The following CASP6 variants were observed in gnomAD, a reference collection of about 807,000 sequenced individuals.
CASP6 encodes the protein caspase-6.
Under a neutral mutation model 31.8 loss-of-function variants are expected in CASP6, and 20 were observed. The ratio of observed to expected loss-of-function variants is 0.63; its 90% CI spans 0.44 to 0.91. The LOEUF is 0.91. Ranked by LOEUF, CASP6 falls within the 40% of genes least tolerant of loss-of-function variation. The pLI, the probability that CASP6 is intolerant of heterozygous loss-of-function variation, is 0.00. For missense variants in CASP6, 328 were observed against 361.1 expected, an observed-to-expected ratio of 0.91 and a Z score of 0.74; for synonymous variants, 130 against 127.8, an observed-to-expected ratio of 1.02 and a Z score of -0.12.
In CASP6 at chr4:109,690,875, G is replaced by A; in HGVS notation, c.618C>T (p.Phe206=). The A allele has an allele frequency of 6.2e-7, 1 of 1,612,258 alleles. No homozygotes were observed. The highest frequency in any genetic ancestry group is 8.5e-7 in the Non-Finnish European group (1 of 1,179,278). Residue 206 remains phenylalanine (F), a synonymous_variant, in exon 6 of 7, where the codon TTC becomes TTT. Coordinates refer to ENST00000265164, the MANE Select transcript of CASP6 (RefSeq NM_001226.4). ...CTTCTGCAACAGAGTAACACATGAG[G>A]AAGTCAGCTCCAGCAGGCAGCGTGT... ...SVYTLPAGAD[F]LMCYSVAEGY... is the part of the protein sequence containing the mutation.
chr4:109,665,465 T>C, the CASP6 span, among the ~76,000 whole-genome samples: 6 of 152,292 alleles, frequency 3.9e-5, 1 homozygote, highest in Admixed American at 6.5e-5. Context: ...TTAAGAATTA[T>C]ACAGAATAGG....
chr4:109,674,264 T>TG, the CASP6 span: 1 of 653,336 alleles, frequency 1.5e-6, no homozygotes, highest in Non-Finnish European at 2.8e-6. Context: ...CTTCCTTTCT[T>TG]GCAGGCTTGA....
At chr4:109,697,127 C>G (rs1025458072) in intron 3 of CASP6, among the ~76,000 whole-genome samples, 1 of 151,878 alleles carries the variant, frequency 6.6e-6, no homozygotes, top group African/African-American at 2.4e-5. Flanking sequence ...CAAAGCAAGG[C>G]CCATGCTCCA....
At chr4:109,671,725 T>C in the CASP6 span, among the ~76,000 whole-genome samples, 1 of 152,232 alleles carries the variant, frequency 6.6e-6, no homozygotes, top group South Asian at 2.1e-4. Flanking sequence ...CTGGTTCTGA[T>C]GCTTGTTTTG....
the CASP6 span, among the ~76,000 whole-genome samples, chr4:109,682,279 C>T: frequency 2.5e-4 from 38 of 150,906 alleles, no homozygotes; most frequent in South Asian, 7.8e-3. Flanking sequence ...GCTCAATTGC[C>T]TTCAGCTGAA....
chr4:109,689,306 G>A lies in CASP6; in HGVS notation c.*24C>T. The A allele has an allele frequency of 3.1e-6, 5 of 1,604,378 alleles. No individual in the cohort carries two copies. The highest frequency in any genetic ancestry group is 4.3e-6 in the Non-Finnish European group (5 of 1,171,966). ...GAGAAAGCCATTTTCAATACAGAGT[G>A]TAAAATTAGATAGCCTCTATTAATT... On this transcript the variant is annotated 3_prime_UTR_variant, in exon 7 of 7. Coordinates refer to ENST00000265164, the MANE Select transcript of CASP6 (RefSeq NM_001226.4).
intron 1 of CASP6, among the ~76,000 whole-genome samples, 166 bp from the exon 2 acceptor site, chr4:109,698,508 CTAATAAA>C (rs1730321175): frequency 6.6e-6 from 1 of 152,174 alleles, no homozygotes; most frequent in Admixed American, 6.5e-5. Flanking sequence ...AAACTGCTTA[CTAATAAA>C]CAAACTATAA....
chr4:109,703,558 G>C (rs763937149), upstream of CASP6: 10 of 867,800 alleles, frequency 1.2e-5, no homozygotes, highest in Middle Eastern at 3.4e-4. Flanking sequence ...CCGTGGATCG[G>C]GCTGGTCCTT....
the CASP6 span, among the ~76,000 whole-genome samples, chr4:109,670,075 T>C: frequency 1.3e-5 from 2 of 152,238 alleles, no homozygotes; most frequent in Non-Finnish European, 2.9e-5. Context: ...TAGTAAGTCT[T>C]GTAATTTTAT....
downstream of CASP6, chr4:109,684,595 C>G (rs1388605074): frequency 6.3e-7 from 1 of 1,599,532 alleles, no homozygotes; most frequent in Non-Finnish European, 8.6e-7. Flanking sequence ...CATACTTCAT[C>G]ACATTTGCAA....
At chr4:109,705,350 T>C (rs7660005), upstream of CASP6, among the ~76,000 whole-genome samples, 81,772 of 152,096 alleles carry the variant, frequency 0.54, 22,077 homozygotes, top group South Asian at 0.61. Context: ...ATATTACTCC[T>C]CATTGACAAT....
rs1729967082 is a variant in CASP6 at position 109,689,563 on chromosome 4, A to G, written c.649T>C (p.Tyr217His). 6.2e-7 allele frequency: 1 copy of G among 1,612,726 alleles called. No individual in the cohort carries two copies. The highest frequency in any genetic ancestry group is 1.3e-5 in the African/African-American group (1 of 74,874). The change falls in exon 7 of 7, where the codon TAT becomes CAT. Residue 217 changes from tyrosine (Y) to histidine (H), a missense_variant. Coordinates refer to ENST00000265164, the MANE Select transcript of CASP6 (RefSeq NM_001226.4). ...LMCYSVAEGY[Y>H]SHRETVNGSW... ...CCGTTCACAGTTTCCCGGTGAGAAT[A>G]ATATCCTAAAAAAGTGAGAAGGAAA...
intron 5 of CASP6, 140 bp downstream of exon 5, chr4:109,694,385 T>C (rs1579108793): frequency 1.5e-6 from 1 of 659,742 alleles, no homozygotes; most frequent in East Asian, 2.8e-5. Context: ...CAGCTCAAAG[T>C]GCAACTATGA....
chr4:109,668,087 G>T, the CASP6 span, among the ~76,000 whole-genome samples: 1 of 151,964 alleles, frequency 6.6e-6, no homozygotes, highest in African/African-American at 2.4e-5. Flanking sequence ...GATGTTCCCT[G>T]TGAACTTGAG....
chr4:109,701,467 C>T (rs568777378), intron 1 of CASP6, among the ~76,000 whole-genome samples: 24 of 150,546 alleles, frequency 1.6e-4, no homozygotes, highest in African/African-American at 5.9e-4. Flanking sequence ...CTCCCTCTGT[C>T]GCCCAGGCTG....
At chr4:109,682,535 C>A in the CASP6 span, 7 of 1,504,478 alleles carry the variant, frequency 4.7e-6, no homozygotes, top group Admixed American at 5.9e-5. Context: ...ACACACCCTG[C>A]GGGAACAATG....
At chr4:109,665,032 A>G in the CASP6 span, among the ~76,000 whole-genome samples, 1 of 152,126 alleles carries the variant, frequency 6.6e-6, no homozygotes, top group Non-Finnish European at 1.5e-5. Context: ...TGCTCTCTGC[A>G]CCCCACGCCC....
At chr4:109,696,917 C>T (rs1195812137) in intron 3 of CASP6, among the ~76,000 whole-genome samples, 1 of 151,826 alleles carries the variant, frequency 6.6e-6, no homozygotes, top group Non-Finnish European at 1.5e-5. Context: ...TCCCGAGTAG[C>T]TGGGACTACA....
the CASP6 span, among the ~76,000 whole-genome samples, chr4:109,677,918 A>C: frequency 1.6e-3 from 240 of 150,084 alleles, no homozygotes; most frequent in Middle Eastern, 0.02. Flanking sequence ...CAGCAGATAA[A>C]CACGTGAACA....
Sources: allele counts gnomAD v4.1 joint callset (sites outside exome capture counted in the v4.1 genomes callset), GRCh38; gene constraint gnomAD v4.1.1; transcripts MANE v1.5; gene names NCBI Gene and HGNC (gene_info 2026-07-23, HGNC 2026-07-21).